The following METTL15 variants were observed in gnomAD, a reference collection of about 807,000 sequenced individuals.
METTL15 encodes 12S rRNA N(4)-cytidine methyltransferase METTL15.
A neutral mutation model predicts 38.3 loss-of-function variants in METTL15; 34 were observed. That is an observed-to-expected ratio of 0.89 (90% CI 0.68 to 1.18). The LOEUF is 1.18. Ranked by LOEUF, METTL15 falls within the 50% of genes most tolerant of loss-of-function variation. The probability of loss-of-function intolerance (pLI) is 0.00; values close to 1 mark genes in which losing one functional copy is unlikely to be tolerated. For synonymous variants in METTL15, 162 were observed against 170.9 expected, an observed-to-expected ratio of 0.95 and a Z score of 0.41; for missense variants, 438 against 498.4, an observed-to-expected ratio of 0.88 and a Z score of 1.15.
intron 4 of METTL15, among the ~76,000 whole-genome samples, chr11:28,239,813 C>T (rs1808100976): frequency 6.6e-6 from 1 of 152,154 alleles, no homozygotes; most frequent in African/African-American, 2.4e-5. Flanking sequence ...ATTTACAAGT[C>T]AACTGTAGTA....
intron 3 of METTL15, among the ~76,000 whole-genome samples, chr11:28,121,859 A>G (rs1029555137): frequency 1.3e-5 from 2 of 151,966 alleles, no homozygotes. Flanking sequence ...TGGCATGTTT[A>G]TCTGTTATTT....
At chr11:28,410,551 T>C (rs1160600414) in intron 5 of METTL15, 2 of 152,158 alleles carry the variant, frequency 1.3e-5, no homozygotes, top group Non-Finnish European at 2.9e-5. Flanking sequence ...TCAAAAAATA[T>C]TAATATTTGA....
At chr11:28,525,660 C>A (rs541373973) in intron 6 of METTL15, among the ~76,000 whole-genome samples, 1 of 152,236 alleles carries the variant, frequency 6.6e-6, no homozygotes, top group African/African-American at 2.4e-5. Context: ...GTGCTGATTG[C>A]TGTATTCACA....
intron 6 of METTL15, among the ~76,000 whole-genome samples, chr11:28,519,565 AAAG>A (rs1244371428): frequency 9.2e-5 from 14 of 152,086 alleles, no homozygotes; most frequent in African/African-American, 2.2e-4. Flanking sequence ...AAAAAAAAAA[AAAG>A]AAGAACCTCA....
chr11:28,292,540 G>C (rs1354922152), intron 5 of METTL15, among the ~76,000 whole-genome samples: 2 of 152,094 alleles, frequency 1.3e-5, no homozygotes, highest in Non-Finnish European at 2.9e-5. Flanking sequence ...TGTCTTTATA[G>C]CAGCATGATT....
chr11:28,501,801 A>T (rs180957368), intron 6 of METTL15, among the ~76,000 whole-genome samples: 142 of 152,210 alleles, frequency 9.3e-4, no homozygotes, highest in African/African-American at 3.3e-3. Flanking sequence ...TACCATGTGC[A>T]CTCAAGAACC....
At chr11:28,180,250 T>G (rs1343645916) in intron 3 of METTL15, among the ~76,000 whole-genome samples, 4 of 151,858 alleles carry the variant, frequency 2.6e-5, no homozygotes, top group Admixed American at 1.3e-4. Context: ...TTGATGTGTT[T>G]TTATAATTTT....
intron 6 of METTL15, among the ~76,000 whole-genome samples, chr11:28,442,214 A>G (rs1851040753): frequency 6.6e-6 from 1 of 152,158 alleles, no homozygotes; most frequent in South Asian, 2.1e-4. Flanking sequence ...CTGACTATAG[A>G]AAGATGATGT....
At chr11:28,441,433 C>G (rs1851034059) in intron 6 of METTL15, among the ~76,000 whole-genome samples, 1 of 152,106 alleles carries the variant, frequency 6.6e-6, no homozygotes, top group South Asian at 2.1e-4. Flanking sequence ...TGTTTGAAGC[C>G]ACTCTGGTAC....
At chr11:28,215,179 C>T (rs1323241120) in intron 4 of METTL15, among the ~76,000 whole-genome samples, 1 of 152,120 alleles carries the variant, frequency 6.6e-6, no homozygotes, top group African/African-American at 2.4e-5. Flanking sequence ...ATGCAACATT[C>T]CTTTTTGCTG....
chr11:28,341,182 C>A (rs960679371), intron 3 of METTL15, among the ~76,000 whole-genome samples: 1 of 151,928 alleles, frequency 6.6e-6, no homozygotes, highest in South Asian at 2.1e-4. Context: ...GGTTGGGGGG[C>A]TAGGGGAGGG....
intron 6 of METTL15, among the ~76,000 whole-genome samples, chr11:28,305,603 C>A (rs1051205102): frequency 6.6e-6 from 1 of 152,046 alleles, no homozygotes; most frequent in Admixed American, 6.6e-5. Context: ...TTCTAGATCC[C>A]TTTCTTATGA....
chr11:28,310,965 G>GGT (rs772116266), intron 6 of METTL15, among the ~76,000 whole-genome samples: 1,176 of 77,122 alleles, frequency 0.015, 98 homozygotes, highest in East Asian at 0.12. Flanking sequence ...GGTGGTGGTG[G>GGT]GTGTGTGTGT....
At chr11:28,373,546 A>C (rs1253512134) in intron 5 of METTL15, among the ~76,000 whole-genome samples, 3 of 151,654 alleles carry the variant, frequency 2.0e-5, no homozygotes, top group African/African-American at 7.3e-5. Flanking sequence ...GGTTGCAAAA[A>C]TTTTCTCCCA....
intron 5 of METTL15, among the ~76,000 whole-genome samples, chr11:28,397,764 A>T (rs528792671): frequency 2.6e-5 from 4 of 152,318 alleles, no homozygotes; most frequent in African/African-American, 9.6e-5. Flanking sequence ...ATTGTAAATC[A>T]TGCTGCTATA....
intron 4 of METTL15, among the ~76,000 whole-genome samples, chr11:28,275,662 C>T (rs1380192240): frequency 6.8e-6 from 1 of 147,154 alleles, no homozygotes; most frequent in Non-Finnish European, 1.5e-5. Flanking sequence ...AAAAAGTCTA[C>T]AGGCCAGTAG....
chr11:28,129,194 C>T (rs1415900733), intron 3 of METTL15, among the ~76,000 whole-genome samples: 1 of 152,120 alleles, frequency 6.6e-6, no homozygotes, highest in East Asian at 1.9e-4. Flanking sequence ...TATTCATTTA[C>T]ACAGCAACTC....
At chr11:28,295,031 C>A (rs1286142700) in intron 5 of METTL15, among the ~76,000 whole-genome samples, 1 of 152,080 alleles carries the variant, frequency 6.6e-6, no homozygotes, top group Non-Finnish European at 1.5e-5. Context: ...ACAGTTCATT[C>A]AAATGCTCAG....
intron 3 of METTL15, among the ~76,000 whole-genome samples, chr11:28,199,030 C>T (rs1405564945): frequency 1.3e-5 from 2 of 151,368 alleles, no homozygotes; most frequent in South Asian, 4.2e-4. Flanking sequence ...CTAGCTCATC[C>T]CTCTCTTAAC....
Sources: gnomAD v4.1 joint callset for allele counts (sites outside exome capture counted in the v4.1 genomes callset) on GRCh38, gnomAD v4.1.1 for gene constraint, MANE v1.5 for transcripts, NCBI Gene and HGNC (gene_info 2026-07-23, HGNC 2026-07-21) for gene names.